Variants in BRWD1 observed in about 807,000 individuals in gnomAD.
The protein encoded by BRWD1 is bromodomain and WD repeat-containing protein 1.
A neutral mutation model predicts 251.2 loss-of-function variants in BRWD1; 82 were observed. The ratio of observed to expected loss-of-function variants is 0.33; its 90% confidence interval spans 0.27 to 0.39. BRWD1 has a LOEUF of 0.39. Ranked by LOEUF, BRWD1 falls within the 10% of genes least tolerant of loss-of-function variation. The pLI, the probability that BRWD1 is intolerant of heterozygous loss-of-function variation, is 1.00. For synonymous variants in BRWD1, 918 were observed against 902.8 expected, an observed-to-expected ratio of 1.02 and a Z score of -0.30; for missense variants, 2,233 against 2,711.6, an observed-to-expected ratio of 0.82 and a Z score of 3.92.
chr21:39,238,171 T>G (rs1168113860), intron 22 of BRWD1, among the ~76,000 whole-genome samples: 1 of 151,882 alleles, frequency 6.6e-6, no homozygotes, highest in Non-Finnish European at 1.5e-5. Flanking sequence ...TAATAATGAA[T>G]ATACTGTGGT....
At chr21:39,269,878 G>A in intron 15 of BRWD1, 21 bp downstream of exon 15, 13 of 1,475,314 alleles carry the variant, frequency 8.8e-6, no homozygotes, top group Non-Finnish European at 1.2e-5. Flanking sequence ...CATGTATCAA[G>A]GTACATCTCA....
chr21:39,290,211 T>C (rs2035767680), intron 8 of BRWD1, among the ~76,000 whole-genome samples: 1 of 151,430 alleles, frequency 6.6e-6, no homozygotes, highest in South Asian at 2.1e-4. Context: ...CCACTGAGGT[T>C]GGGCGAGGTG....
In BRWD1 at chr21:39,228,582, T is replaced by G; in HGVS notation, c.3126A>C (p.Arg1042Ser). ...CAATAACATCTGGCATATCATGATATCTAGACAAAAATTTAAAAAATTGTT... is the reference window on the plus strand; with the variant it reads ...CAATAACATCTGGCATATCATGATAGCTAGACAAAAATTTAAAAAATTGTT... ...GKLMDKSFSI[R>S]YHDMPDVIDF... The change falls in exon 27 of 41, where the codon AGA (arginine) becomes AGC (serine). Residue 1042 changes from arginine (R) to serine (S), a missense_variant and splice_region_variant. By Grantham distance (110) the Arg-to-Ser change is moderately radical (BLOSUM62 -1). Transcript: ENST00000342449. 1.2e-6 allele frequency: 2 copies of G among 1,604,226 alleles called. No individual in the cohort carries two copies. Among genetic ancestry groups the G allele is most frequent in the Non-Finnish European group, 1.7e-6 (2 of 1,171,704 alleles).
intron 29 of BRWD1, among the ~76,000 whole-genome samples, chr21:39,224,197 T>C (rs1211499328): frequency 2.6e-5 from 4 of 152,138 alleles, no homozygotes; most frequent in Non-Finnish European, 4.4e-5. Flanking sequence ...CAGCAAGCTA[T>C]TAAGGTACAG....
In BRWD1 at chr21:39,229,373, G is replaced by C; in HGVS notation, c.3064C>G (p.Leu1022Val). The part of the protein sequence containing the change: ...YEVGPPTLCC[L>V]KLAFIDPATG... ...GCTGGATCTATAAATGCTAGTTTTAGGCAACAGAGTGTAGGGGGCCCAACT... is the reference window on the plus strand; with the variant it reads ...GCTGGATCTATAAATGCTAGTTTTACGCAACAGAGTGTAGGGGGCCCAACT... Residue 1022 changes from leucine to valine, a missense_variant, in exon 26 of 41, where the codon CTA becomes GTA. Physicochemically the swap from Leu to Val is conservative, Grantham distance 32. Around this residue, in one of 12 missense-constraint regions of BRWD1, gnomAD observed 139 missense variants for 272.8 expected, o/e 0.51. Coordinates refer to ENST00000342449, the MANE Select transcript of BRWD1 (RefSeq NM_033656.4). 1 of 1,608,686 alleles carries C rather than the reference G, an allele frequency of 6.2e-7. No homozygotes were observed. Among genetic ancestry groups the C allele is most frequent in the Non-Finnish European group, 8.5e-7 (1 of 1,175,410 alleles).
In BRWD1 at chr21:39,199,270, C is replaced by G. The variant is rs1469223329; in HGVS notation, c.5146G>C (p.Glu1716Gln). Residue 1716 changes from glutamate (E) to glutamine (Q), a missense_variant, in exon 40 of 41, where the codon GAA becomes CAA. Coordinates refer to ENST00000342449, the MANE Select transcript of BRWD1 (RefSeq NM_033656.4). The part of the protein sequence containing the change: ...HTAQSNVDES[E>Q]NRDSESESDL... ...CTTTCTGACTCTGAGTCTCTGTTTT[C>G]AGATTCATCAACATTGCTCTGGGCA... 1.9e-6 allele frequency: 3 copies of G among 1,614,094 alleles called. No homozygotes were observed. The highest frequency in any genetic ancestry group is 2.5e-6 in the Non-Finnish European group (3 of 1,180,054).
chr21:39,258,109 T>C (rs2034620669), intron 18 of BRWD1, among the ~76,000 whole-genome samples: 1 of 152,190 alleles, frequency 6.6e-6, no homozygotes, highest in Non-Finnish European at 1.5e-5. Flanking sequence ...CACTAAGTTT[T>C]CAAACTTTCT....
At chr21:39,264,413 A>G in intron 17 of BRWD1, 47 bp downstream of exon 17, 1 of 1,135,532 alleles carries the variant, frequency 8.8e-7, no homozygotes, top group South Asian at 1.6e-5. Flanking sequence ...ACTTTAAAAT[A>G]TTCAAGTACA....
At position 39,313,517 on chromosome 21, in the gene BRWD1, A is replaced by G; in HGVS notation, c.-26T>C. The G allele has an allele frequency of 7.6e-7, 1 of 1,319,504 alleles. No individual in the cohort carries two copies. The highest frequency in any genetic ancestry group is 9.6e-7 in the Non-Finnish European group (1 of 1,039,742). 81.7% of individuals were successfully genotyped at this position (1,319,504 alleles called of 1,614,324 possible). A position where few individuals can be genotyped will look rare whatever the true frequency, so the allele number is the denominator to read the frequency against. On this transcript the variant is annotated 5_prime_UTR_variant, in exon 1 of 41. Transcript: ENST00000342449. Reference sequence around the variant, plus strand: ...GGCCGGGCGCGGGGCGGGAGGCGGGAGCGAGCGAGCGAGCGGAGCGTGTAG... The same window carrying G: ...GGCCGGGCGCGGGGCGGGAGGCGGGGGCGAGCGAGCGAGCGGAGCGTGTAG...
At chr21:39,238,737 C>T (rs965126154) in intron 21 of BRWD1, among the ~76,000 whole-genome samples, 164 bp from the exon 22 acceptor site, 3 of 152,200 alleles carry the variant, frequency 2.0e-5, no homozygotes, top group Non-Finnish European at 4.4e-5. Flanking sequence ...CAAACTTCTT[C>T]ACTACATCCC....
chr21:39,194,873 T>C lies in BRWD1; in HGVS notation c.*1386A>G. 2 of 1,531,732 alleles carry C rather than the reference T, an allele frequency of 1.3e-6. No homozygotes were observed. Among genetic ancestry groups the C allele is most frequent in the Non-Finnish European group, 8.7e-7 (1 of 1,143,904 alleles). The allele number at this position is 1,531,732 out of a possible 1,614,324, so 94.9% of individuals were successfully genotyped here. ...AGAAAAGGGTTAATTTTGTCTGAAATCAAACACAATTAGGGCTAATAAATA... is the reference window on the plus strand; with the variant it reads ...AGAAAAGGGTTAATTTTGTCTGAAACCAAACACAATTAGGGCTAATAAATA... On this transcript the variant is annotated 3_prime_UTR_variant, in exon 41 of 41. Coordinates refer to ENST00000342449, the MANE Select transcript of BRWD1 (RefSeq NM_033656.4).
chr21:39,270,681 C>G lies in BRWD1; in HGVS notation c.1245-248G>C, dbSNP rs545216122. ...AAGGGCAGATTTTAGGACACCATTA[C>G]TGCTTATGAAAGCAATGCTTTTTCT... On this transcript the variant is annotated intron_variant, in intron 13 of 40. Transcript: ENST00000342449. Among the ~76,000 whole-genome samples, 4 of 152,332 alleles carry G rather than the reference C, an allele frequency of 2.6e-5. No individual in the cohort carries two copies. The East Asian group carries it at 7.7e-4, about 29-fold the overall frequency.
chr21:39,309,824 CAAAAAAAAAAAAA>C (rs10709480), intron 4 of BRWD1, among the ~76,000 whole-genome samples: 2 of 75,242 alleles, frequency 2.7e-5, no homozygotes, highest in African/African-American at 1.1e-4. Context: ...GACTCCGTCT[CAAAAAAAAAAAAA>C]AAAAAAAGAC....
intron 4 of BRWD1, among the ~76,000 whole-genome samples, chr21:39,309,512 A>G (rs2036398076): frequency 6.6e-6 from 1 of 152,050 alleles, no homozygotes; most frequent in Admixed American, 6.6e-5. Flanking sequence ...TCAAGACCAA[A>G]TCAAACTAAT....
chr21:39,248,639 C>T (rs13051519), intron 20 of BRWD1, among the ~76,000 whole-genome samples: 52,453 of 92,998 alleles, frequency 0.56, 13,909 homozygotes, highest in African/African-American at 0.64. Context: ...GACCCTATCT[C>T]CCAAAAAAAA....
intron 23 of BRWD1, among the ~76,000 whole-genome samples, chr21:39,233,546 C>A (rs183358956): frequency 2.4e-3 from 360 of 150,380 alleles, no homozygotes; most frequent in African/African-American, 6.7e-3. Flanking sequence ...CACACACACA[C>A]AAAAAAAAAG....
intron 25 of BRWD1, among the ~76,000 whole-genome samples, chr21:39,230,517 A>T (rs1373726814): frequency 6.6e-6 from 1 of 152,244 alleles, no homozygotes; most frequent in East Asian, 1.9e-4. Flanking sequence ...ACACTGTAGT[A>T]AACCAGTGCA....
chr21:39,320,381 G>A (rs554940579), intron 1 of BRWD1, among the ~76,000 whole-genome samples: 1 of 152,134 alleles, frequency 6.6e-6, no homozygotes, highest in East Asian at 1.9e-4. Flanking sequence ...GTCATCCAGG[G>A]TGGAGTGCAG....
chr21:39,235,138 A>G (rs537307756), intron 23 of BRWD1, among the ~76,000 whole-genome samples: 11 of 152,270 alleles, frequency 7.2e-5, no homozygotes, highest in Admixed American at 1.3e-4. Flanking sequence ...AGTCCCAGCT[A>G]CTTGGGAAGC....
Sources: gnomAD v4.1 joint callset for allele counts (sites outside exome capture counted in the v4.1 genomes callset) on GRCh38, gnomAD v4.1.1 for gene constraint, gnomAD v4.1.1 regional missense constraint, MANE v1.5 for transcripts, NCBI Gene and HGNC (gene_info 2026-07-23, HGNC 2026-07-21) for gene names.